The following MRTFB variants were observed in gnomAD, a reference collection of about 807,000 sequenced individuals.
MRTFB encodes myocardin related transcription factor B.
MRTFB carries 29 observed loss-of-function variants against 104.2 expected under a neutral mutation model. The ratio of observed to expected loss-of-function variants is 0.28; its 90% CI spans 0.21 to 0.38. The LOEUF (loss-of-function observed/expected upper bound fraction) is 0.38, where lower values mean the gene tolerates loss of function less well. Among genes scored for constraint, MRTFB ranks in the 10% least tolerant of loss-of-function variants. The pLI is 1.00. For missense variants in MRTFB, 1,270 were observed against 1,341.6 expected (o/e 0.95, Z 0.83); for synonymous variants, 535 against 519.5 (o/e 1.03, Z -0.41).
chr16:14,081,950 C>T (rs759084508), intron 2 of MRTFB, among the ~76,000 whole-genome samples: 3 of 152,150 alleles, frequency 2.0e-5, no homozygotes, highest in African/African-American at 4.8e-5. Context: ...TAACCCCTTA[C>T]CAGATGTATA....
Position 14,159,726 on chromosome 16 carries a change from G to A in MRTFB, c.154+18966G>A, listed in dbSNP as rs867856063. 1.3e-3 allele frequency among the ~76,000 whole-genome samples: 204 copies of A among 151,662 alleles called. 1 individual carries two copies. Among genetic ancestry groups the A allele is most frequent in the Admixed American group, 1.4e-3 (22 of 15,228 alleles). Reference sequence around the variant, plus strand: ...GGGCGGATCACGAGGTCAGGAGATCGAGACCATCCCGGCTAAAACGGTGAA... The same window carrying A: ...GGGCGGATCACGAGGTCAGGAGATCAAGACCATCCCGGCTAAAACGGTGAA... On this transcript the variant is annotated intron_variant, in intron 3 of 16. Coordinates refer to ENST00000571589, the MANE Select transcript of MRTFB (RefSeq NM_001308142.2).
chr16:14,186,664 G>GTGGC, intron 3 of MRTFB: 1 of 1,293,050 alleles, frequency 7.7e-7, no homozygotes, highest in Non-Finnish European at 9.8e-7. Context: ...TCGTGCCTGT[G>GTGGC]TGGCTCTGCC....
At chr16:14,030,422 A>T in the MRTFB span, among the ~76,000 whole-genome samples, 2 of 152,130 alleles carry the variant, frequency 1.3e-5, no homozygotes, top group African/African-American at 2.4e-5. Flanking sequence ...GGCTGTAGTC[A>T]TCATTTGTCT....
At chr16:14,025,765 C>A in the MRTFB span, among the ~76,000 whole-genome samples, 1 of 152,286 alleles carries the variant, frequency 6.6e-6, no homozygotes, top group East Asian at 1.9e-4. Context: ...TAATAAACAA[C>A]TATAGCAAGC....
intron 8 of MRTFB, among the ~76,000 whole-genome samples, chr16:14,232,694 G>C (rs1365311876): frequency 2.0e-5 from 3 of 152,210 alleles, no homozygotes; most frequent in Admixed American, 2.0e-4. Flanking sequence ...CACGGTCTCA[G>C]CGGGGCTTGA....
chr16:14,043,831 G>A, the MRTFB span, among the ~76,000 whole-genome samples: 1 of 152,196 alleles, frequency 6.6e-6, no homozygotes, highest in Non-Finnish European at 1.5e-5. Context: ...CTTGTGCTAG[G>A]CACACGGGGA....
Position 14,248,956 on chromosome 16 carries a change from C to G in MRTFB, c.2278C>G (p.Pro760Ala). Residue 760 changes from proline to alanine, a missense_variant, in exon 13 of 17, where the codon CCT (proline) becomes GCT (alanine). By Grantham distance (27) the Pro-to-Ala change is conservative. Coordinates refer to ENST00000571589, the MANE Select transcript of MRTFB (RefSeq NM_001308142.2). ...ACCACAAGCAGGAATGCAGACTCAG[C>G]CTCAGATAGCAACTGCTGCACAAAT... is the stretch of plus-strand genomic sequence containing the variant. Reference protein sequence around the residue: ...TSPQAGMQTQPQIATAAQIPT... With the variant: ...TSPQAGMQTQAQIATAAQIPT... The G allele has an allele frequency of 6.2e-7, 1 of 1,614,102 alleles. No homozygotes were observed. Among genetic ancestry groups the G allele is most frequent in the Non-Finnish European group, 8.5e-7 (1 of 1,180,000 alleles).
At chr16:14,258,000 A>T in intron 15 of MRTFB, 101 bp from the exon 16 acceptor site, 1 of 1,003,706 alleles carries the variant, frequency 1.0e-6, no homozygotes, top group Non-Finnish European at 1.5e-6. Flanking sequence ...ATCACGATAG[A>T]TTAGAACTAA....
chr16:14,126,072 AC>A (rs2037094152), intron 2 of MRTFB, among the ~76,000 whole-genome samples: 1 of 152,218 alleles, frequency 6.6e-6, no homozygotes, highest in South Asian at 2.1e-4. Flanking sequence ...AATTTATTTT[AC>A]TGATTGAACT....
chr16:14,116,290 A>G (rs745861080), intron 2 of MRTFB, among the ~76,000 whole-genome samples: 23 of 150,818 alleles, frequency 1.5e-4, no homozygotes, highest in Non-Finnish European at 2.2e-4. Context: ...TAACTCATCT[A>G]TTTTTCAGGT....
At chr16:14,238,385 G>A (rs962120057) in intron 9 of MRTFB, among the ~76,000 whole-genome samples, 2 of 152,116 alleles carry the variant, frequency 1.3e-5, no homozygotes, top group African/African-American at 4.8e-5. Flanking sequence ...GGAGGGAAGT[G>A]AGGAACATGT....
intron 1 of MRTFB, among the ~76,000 whole-genome samples, chr16:14,075,146 T>C (rs1015867876): frequency 3.9e-5 from 6 of 152,252 alleles, no homozygotes; most frequent in Non-Finnish European, 7.3e-5. Flanking sequence ...AAAACATACT[T>C]ACTCTGTGTG....
At chr16:14,024,715 A>T in the MRTFB span, among the ~76,000 whole-genome samples, 1 of 152,230 alleles carries the variant, frequency 6.6e-6, no homozygotes, top group Non-Finnish European at 1.5e-5. Context: ...AGGTGGTGCA[A>T]GAAATAAGTG....
chr16:14,051,866 T>G, the MRTFB span, among the ~76,000 whole-genome samples: 1 of 152,182 alleles, frequency 6.6e-6, no homozygotes, highest in Non-Finnish European at 1.5e-5. Flanking sequence ...TTCTCCACCT[T>G]TTTTCTGATC....
At chr16:14,053,175 G>A in the MRTFB span, among the ~76,000 whole-genome samples, 7 of 151,884 alleles carry the variant, frequency 4.6e-5, no homozygotes, top group Non-Finnish European at 7.4e-5. Context: ...ATCCTCCCAC[G>A]TCGACCTCCC....
the MRTFB span, chr16:14,019,153 C>T: frequency 6.6e-6 from 1 of 152,198 alleles, no homozygotes; most frequent in East Asian, 1.9e-4. Context: ...AGGAAAAAAA[C>T]ATTTTGCTAG....
chr16:14,191,835 G>A (rs1272192738), intron 3 of MRTFB: 2 of 151,990 alleles, frequency 1.3e-5, no homozygotes, highest in African/African-American at 4.8e-5. Flanking sequence ...TACTCAAATT[G>A]TTATTTATTG....
chr16:14,207,263 G>A (rs138633440), intron 3 of MRTFB, among the ~76,000 whole-genome samples: 10 of 152,194 alleles, frequency 6.6e-5, no homozygotes, highest in Non-Finnish European at 5.9e-5. Context: ...CCTTCAAGCA[G>A]TATAAGTAGG....
the MRTFB span, among the ~76,000 whole-genome samples, chr16:14,027,795 G>C: frequency 2.0e-5 from 3 of 152,180 alleles, no homozygotes; most frequent in African/African-American, 7.2e-5. Context: ...GCCATGAGAA[G>C]GGGTGAAGTA....
Sources: gnomAD v4.1 joint callset for allele counts (sites outside exome capture counted in the v4.1 genomes callset) on GRCh38, gnomAD v4.1.1 for gene constraint, MANE v1.5 for transcripts, NCBI Gene and HGNC (gene_info 2026-07-23, HGNC 2026-07-21) for gene names.